DNAJC18: variants seen among roughly 807,000 people sequenced by gnomAD.
DNAJC18 encodes the protein DnaJ heat shock protein family (Hsp40) member C18, also known as dnaJ homolog subfamily C member 18.
In DNAJC18, 40 loss-of-function variants were observed where a neutral mutation model predicts 48.6. The ratio of observed to expected loss-of-function variants is 0.82; its 90% confidence interval spans 0.64 to 1.07. The LOEUF (loss-of-function observed/expected upper bound fraction) is 1.07. Among genes scored for constraint, DNAJC18 ranks in the 50% least tolerant of loss-of-function variants. The pLI, the probability that DNAJC18 is intolerant of heterozygous loss-of-function variation, is 0.00. For missense variants in DNAJC18, 340 were observed against 427.7 expected (o/e 0.79, Z 1.81); for synonymous variants, 135 against 152.2 (o/e 0.89, Z 0.83).
chr5:139,426,093 T>C, intron 4 of DNAJC18, 79 bp downstream of exon 4: 4 of 1,461,758 alleles, frequency 2.7e-6, no homozygotes, highest in South Asian at 2.6e-5. Flanking sequence ...TGTACCTCTA[T>C]TCAGATTTTC....
intron 7 of DNAJC18, among the ~76,000 whole-genome samples, chr5:139,415,482 C>T (rs567345588): frequency 2.4e-4 from 37 of 152,354 alleles, no homozygotes; most frequent in African/African-American, 8.7e-4. Flanking sequence ...GCCGCACAGC[C>T]TGGGCTCTAG....
At chr5:139,422,854 G>A (rs896203942) in intron 5 of DNAJC18, 37 bp from the exon 6 acceptor site, 4 of 1,455,334 alleles carry the variant, frequency 2.7e-6, no homozygotes, top group Middle Eastern at 2.5e-4. Flanking sequence ...TGCTGTAAGT[G>A]TTCTTTTTTT....
At chr5:139,427,212 T>C (rs1197935673) in intron 3 of DNAJC18, among the ~76,000 whole-genome samples, 2 of 152,188 alleles carry the variant, frequency 1.3e-5, no homozygotes, top group Non-Finnish European at 2.9e-5. Flanking sequence ...TAGACAAATA[T>C]TTTCTGAAAT....
intron 2 of DNAJC18, among the ~76,000 whole-genome samples, chr5:139,430,641 C>G (rs137972090): frequency 0.015 from 2,215 of 150,048 alleles, 27 homozygotes; most frequent in Non-Finnish European, 0.023. Flanking sequence ...GCGATCCTGG[C>G]TCACTGCAAC....
chr5:139,438,460 G>A (rs762260753), intron 1 of DNAJC18, among the ~76,000 whole-genome samples: 4 of 152,148 alleles, frequency 2.6e-5, no homozygotes, highest in Admixed American at 6.5e-5. Flanking sequence ...GTCCAGGGAA[G>A]CCAAAAGATT....
At position 139,426,264 on chromosome 5, in the gene DNAJC18, C is replaced by T. The variant is rs1051960065; in HGVS notation, c.467G>A (p.Arg156Gln). 8 of 1,614,180 alleles carry T rather than the reference C, an allele frequency of 5.0e-6. No homozygotes were observed. The highest frequency in any genetic ancestry group is 2.2e-5 in the South Asian group (2 of 91,076). The change falls in exon 4 of 8, where the codon CGA becomes CAA. Residue 156 changes from arginine (R) to glutamine (Q), a missense_variant. Physicochemically the swap from Arg to Gln is conservative, Grantham distance 43. Coordinates refer to ENST00000302060, the MANE Select transcript of DNAJC18 (RefSeq NM_152686.4). ...CCTGTAATAATTATAAGGTCTGGCT[C>T]GAGGGGCAGTGAAAGTCACCTGTTC... is the stretch of plus-strand genomic sequence containing the variant. Reference protein sequence around the residue: ...GDEQVTFTAPRARPYNYYRDF... With the variant: ...GDEQVTFTAPQARPYNYYRDF...
chr5:139,439,398 C>T lies in DNAJC18; in HGVS notation c.40+8G>A. 2 of 1,614,172 alleles carry T rather than the reference C, an allele frequency of 1.2e-6. No individual in the cohort carries two copies. The highest frequency in any genetic ancestry group is 1.6e-4 in the Middle Eastern group (1 of 6,062). On this transcript the variant is annotated splice_region_variant and intron_variant, in intron 1 of 7. Transcript: ENST00000302060. This position sits in a 1 kb window ranked among gnomAD's most constrained non-coding sequence, Gnocchi z 4.1. ...GCCCTATCCCTCCTTCAGGCGGGGA[C>T]CTAGTACCTTCCGTCCAGCGCTCCC...
chr5:139,437,591 T>C, intron 1 of DNAJC18, 33 bp from the exon 2 acceptor site: 1 of 1,575,294 alleles, frequency 6.3e-7, no homozygotes, highest in African/African-American at 1.4e-5. Flanking sequence ...TAGGTCTCCA[T>C]CTGACCCTGA....
At chr5:139,428,915 C>A (rs1759285187) in intron 2 of DNAJC18, among the ~76,000 whole-genome samples, 1 of 152,034 alleles carries the variant, frequency 6.6e-6, no homozygotes, top group Non-Finnish European at 1.5e-5. Context: ...TATATCCCTG[C>A]AAGTGAGTAG....
chr5:139,414,323 T>A, intron 7 of DNAJC18, 51 bp from the exon 8 acceptor site: 1 of 1,559,616 alleles, frequency 6.4e-7, no homozygotes, highest in Non-Finnish European at 8.6e-7. Context: ...CTCCTTTGTT[T>A]CATTTCAATG....
intron 1 of DNAJC18, among the ~76,000 whole-genome samples, chr5:139,437,794 TC>T (rs771290549): frequency 2.6e-5 from 4 of 152,124 alleles, no homozygotes; most frequent in Admixed American, 6.6e-5. Context: ...TTGCAGTGCC[TC>T]CCACCCCTAA....
At chr5:139,420,809 A>T (rs1759140649) in intron 6 of DNAJC18, among the ~76,000 whole-genome samples, 1 of 152,120 alleles carries the variant, frequency 6.6e-6, no homozygotes, top group African/African-American at 2.4e-5. Flanking sequence ...TAGCAACATT[A>T]ATAAGAGTAC....
chr5:139,423,885 T>G (rs1759194983), intron 5 of DNAJC18, among the ~76,000 whole-genome samples: 1 of 152,182 alleles, frequency 6.6e-6, no homozygotes, highest in Non-Finnish European at 1.5e-5. Flanking sequence ...CAACCTGGAT[T>G]GACACCCAGT....
At chr5:139,414,969 C>T (rs1759051738) in intron 7 of DNAJC18, among the ~76,000 whole-genome samples, 1 of 152,168 alleles carries the variant, frequency 6.6e-6, no homozygotes, top group Admixed American at 6.5e-5. Context: ...CCTGACTCAA[C>T]AGTGGTTTGG....
intron 7 of DNAJC18, chr5:139,419,024 GTCA>G (rs1272796405): frequency 4.8e-6 from 2 of 412,696 alleles, no homozygotes; most frequent in African/African-American, 2.1e-5. Flanking sequence ...GTGTGTGATG[GTCA>G]ATGAGGGCTT....
intron 6 of DNAJC18, among the ~76,000 whole-genome samples, chr5:139,422,047 G>GT (rs1176357081): frequency 6.6e-6 from 1 of 152,042 alleles, no homozygotes; most frequent in East Asian, 1.9e-4. Flanking sequence ...AATCTAGAGG[G>GT]TTTTTTAAAA....
In DNAJC18 at chr5:139,420,146, A is replaced by G. The variant is rs776381724; in HGVS notation, c.859T>C (p.Tyr287His). 5.6e-5 allele frequency: 90 copies of G among 1,611,714 alleles called. No individual in the cohort carries two copies. The highest frequency in any genetic ancestry group is 7.4e-5 in the Non-Finnish European group (87 of 1,179,430). The change falls in exon 7 of 8, where the codon TAC becomes CAC. Residue 287 changes from tyrosine to histidine, a missense_variant. Physicochemically the swap from Tyr to His is moderately conservative, Grantham distance 83. Coordinates refer to ENST00000302060, the MANE Select transcript of DNAJC18 (RefSeq NM_152686.4). ...YFVDKNFDKAYRGASLHDLEK... is the reference protein window; with the variant it reads ...YFVDKNFDKAHRGASLHDLEK... ...AAGTCATGCAGAGAAGCTCCTCTGT[A>G]GGCCTTGTCAAAGTTTTTATCCACA...
intron 1 of DNAJC18, among the ~76,000 whole-genome samples, chr5:139,438,315 C>A (rs78540820): frequency 1.9e-3 from 255 of 130,828 alleles, no homozygotes; most frequent in Non-Finnish European, 2.0e-3. Flanking sequence ...GACTCCGTCT[C>A]AAAAAAAAAA....
chr5:139,426,485 T>G, intron 3 of DNAJC18, 128 bp from the exon 4 acceptor site: 3 of 1,086,020 alleles, frequency 2.8e-6, no homozygotes, highest in Non-Finnish European at 3.9e-6. Context: ...CAAGAAGAGA[T>G]GCTTGGGCCT....
Sources: gnomAD v4.1 joint callset for allele counts (sites outside exome capture counted in the v4.1 genomes callset) on GRCh38, gnomAD v4.1.1 for gene constraint, Gnocchi (gnomAD v3.1) non-coding constraint, MANE v1.5 for transcripts, NCBI Gene and HGNC (gene_info 2026-07-23, HGNC 2026-07-21) for gene names.